Variants in TSHZ3 observed in about 807,000 individuals in gnomAD.
TSHZ3 encodes teashirt homolog 3.
TSHZ3 carries 10 observed loss-of-function variants against 64.5 expected under a neutral mutation model. The ratio of observed to expected loss-of-function variants is 0.16; its 90% CI spans 0.10 to 0.26. The LOEUF is 0.26. Ranked by LOEUF, TSHZ3 falls within the 10% of genes least tolerant of loss-of-function variation. TSHZ3 has a pLI of 1.00. For synonymous variants in TSHZ3, 608 were observed against 593.1 expected, an observed-to-expected ratio of 1.03 and a Z score of -0.36; for missense variants, 1,242 against 1,421.7, an observed-to-expected ratio of 0.87 and a Z score of 2.03.
chr19:31,318,970 C>T (rs1329017937), intron 1 of TSHZ3, among the ~76,000 whole-genome samples: 1 of 152,222 alleles, frequency 6.6e-6, no homozygotes, highest in Non-Finnish European at 1.5e-5. Flanking sequence ...AATCCTACCA[C>T]CCTGGTGCCA....
chr19:31,255,966 G>A (rs1464239856), intron 1 of TSHZ3, among the ~76,000 whole-genome samples: 3 of 152,108 alleles, frequency 2.0e-5, no homozygotes, highest in African/African-American at 7.2e-5. Flanking sequence ...GACAGGAGGG[G>A]ACGGTCCAGT....
intron 4 of TSHZ3, among the ~76,000 whole-genome samples, chr19:31,210,197 T>C (rs759028353): frequency 1.2e-4 from 18 of 151,864 alleles, no homozygotes; most frequent in Non-Finnish European, 2.2e-4. Flanking sequence ...GGACCAAAGG[T>C]GAAGCTTGGC....
intron 1 of TSHZ3, among the ~76,000 whole-genome samples, chr19:31,263,997 C>T (rs1300425959): frequency 6.6e-6 from 1 of 152,180 alleles, no homozygotes; most frequent in African/African-American, 2.4e-5. Context: ...GGGCAAGTCA[C>T]TCCTCCTTGC....
intron 1 of TSHZ3, among the ~76,000 whole-genome samples, chr19:31,317,588 A>G (rs1368306306): frequency 6.6e-6 from 1 of 152,180 alleles, no homozygotes; most frequent in African/African-American, 2.4e-5. Context: ...AGACAAAGGA[A>G]GGAAACAGGC....
In TSHZ3 at chr19:31,278,777, C is replaced by T; in HGVS notation, c.1016G>A (p.Gly339Glu). The stretch of plus-strand genomic sequence containing the variant: ...GTCTGAGATGGTGGCTTTGGGGGTT[C>T]CACCTGTGGAATCTGGGGAGCTGGG... ...ELPSSPDSTG[G>E]TPKATISDTN... The change falls in exon 2 of 2, where the codon GGA becomes GAA. Residue 339 changes from glycine to glutamate, a missense_variant. Physicochemically the swap from Gly to Glu is moderately conservative, Grantham distance 98. Transcript: ENST00000240587. This position sits in a 1 kb window ranked among gnomAD's most constrained non-coding sequence, Gnocchi z 4.7. The T allele has an allele frequency of 1.9e-6, 3 of 1,614,152 alleles. No individual in the cohort carries two copies. Among genetic ancestry groups the T allele is most frequent in the Non-Finnish European group, 2.5e-6 (3 of 1,180,036 alleles).
At chr19:31,304,916 G>A (rs908393367) in intron 1 of TSHZ3, among the ~76,000 whole-genome samples, 2 of 152,202 alleles carry the variant, frequency 1.3e-5, no homozygotes, top group African/African-American at 4.8e-5. Context: ...CACAGCAACT[G>A]TAATAAGGGG....
chr19:31,166,143 C>G (rs1356710016), intron 5 of TSHZ3, among the ~76,000 whole-genome samples: 1 of 152,176 alleles, frequency 6.6e-6, no homozygotes, highest in African/African-American at 2.4e-5. Flanking sequence ...ACCCACCAGA[C>G]AGTGCTCGGG....
At chr19:31,232,325 GA>G (rs1599595939) in intron 3 of TSHZ3, among the ~76,000 whole-genome samples, 1 of 152,292 alleles carries the variant, frequency 6.6e-6, no homozygotes, top group East Asian at 1.9e-4. Flanking sequence ...TTAAAGAGCA[GA>G]GGCCAACAAG....
In TSHZ3 at chr19:31,217,686, C is replaced by T. The variant is rs370113247; in HGVS notation, n.686+10319G>A. 3.9e-4 allele frequency among the ~76,000 whole-genome samples: 59 copies of T among 152,228 alleles called. No individual in the cohort carries two copies. The East Asian group carries it at 7.8e-3, about 20-fold the overall frequency. On this transcript the variant is annotated intron_variant and non_coding_transcript_variant, in intron 4 of 6. Transcript: ENST00000651361. ...AGAATCCATAGTTTACGTAAGGGTTCGCTCTTGGTGTTGTGCATTCTACGA... is the reference window on the plus strand; with the variant it reads ...AGAATCCATAGTTTACGTAAGGGTTTGCTCTTGGTGTTGTGCATTCTACGA...
intron 3 of TSHZ3, among the ~76,000 whole-genome samples, chr19:31,235,773 C>T (rs371101778): frequency 3.2e-4 from 45 of 141,628 alleles, no homozygotes; most frequent in African/African-American, 1.1e-3. Context: ...TGCAGTGGCA[C>T]GATCTCTACT....
At chr19:31,347,629 C>G (rs2021556314) in intron 1 of TSHZ3, among the ~76,000 whole-genome samples, 1 of 152,154 alleles carries the variant, frequency 6.6e-6, no homozygotes, top group Non-Finnish European at 1.5e-5. Flanking sequence ...AGGAGGTTAA[C>G]TAGGGAGGCG....
intron 3 of TSHZ3, among the ~76,000 whole-genome samples, chr19:31,234,647 A>G (rs1975583372): frequency 6.6e-6 from 1 of 152,034 alleles, no homozygotes; most frequent in Non-Finnish European, 1.5e-5. Flanking sequence ...TTATTATATG[A>G]TTTTTCTACT....
At chr19:31,287,588 G>A (rs1008576558) in intron 1 of TSHZ3, among the ~76,000 whole-genome samples, 2 of 151,968 alleles carry the variant, frequency 1.3e-5, no homozygotes, top group Non-Finnish European at 2.9e-5. Flanking sequence ...GAGGACAGAG[G>A]GAGAAAGAGA....
downstream of TSHZ3, among the ~76,000 whole-genome samples, chr19:31,272,334 T>A (rs1358667961): frequency 2.6e-5 from 4 of 152,190 alleles, no homozygotes; most frequent in Non-Finnish European, 5.9e-5. Context: ...TGGAATGGTC[T>A]GAACTTGAGG....
chr19:31,167,979 T>C (rs1359789500), intron 5 of TSHZ3: 1 of 152,218 alleles, frequency 6.6e-6, no homozygotes, highest in Non-Finnish European at 1.5e-5. Flanking sequence ...CCACGGTGTG[T>C]TTCTAAAAGA....
intron 1 of TSHZ3, among the ~76,000 whole-genome samples, chr19:31,283,258 C>T (rs10425832): frequency 0.019 from 2,933 of 152,178 alleles, 38 homozygotes; most frequent in African/African-American, 0.034. Flanking sequence ...CACTTGAACC[C>T]GGAGGTGGAG....
At chr19:31,292,729 CCCATCCATCCATCCATCCAT>C (rs71173957) in intron 1 of TSHZ3, among the ~76,000 whole-genome samples, 6 of 147,942 alleles carry the variant, frequency 4.1e-5, no homozygotes, top group Admixed American at 6.7e-5. Context: ...AACCCATCCA[CCCATCCATCCATCCATCCAT>C]CCATCCATCC....
At chr19:31,292,054 C>A (rs1332205962) in intron 1 of TSHZ3, among the ~76,000 whole-genome samples, 1 of 152,176 alleles carries the variant, frequency 6.6e-6, no homozygotes, top group Non-Finnish European at 1.5e-5. Context: ...AAGCACACTG[C>A]CCTCTCAGAA....
At chr19:31,221,390 C>A in intron 4 of TSHZ3, among the ~76,000 whole-genome samples, 1 of 152,120 alleles carries the variant, frequency 6.6e-6, no homozygotes, top group Non-Finnish European at 1.5e-5. Flanking sequence ...GTCTTCAAAT[C>A]AAAGTCAACA....
Sources: allele counts gnomAD v4.1 joint callset (sites outside exome capture counted in the v4.1 genomes callset), GRCh38; gene constraint gnomAD v4.1.1; non-coding constraint Gnocchi (gnomAD v3.1); transcripts MANE v1.5; gene names NCBI Gene and HGNC (gene_info 2026-07-23, HGNC 2026-07-21).